LRRC28: variants seen among roughly 807,000 people sequenced by gnomAD.
LRRC28 encodes the protein leucine rich repeat containing 28.
A neutral mutation model predicts 45.7 loss-of-function variants in LRRC28; 39 were observed. The ratio of observed to expected loss-of-function variants is 0.85; its 90% CI spans 0.66 to 1.12. The LOEUF (loss-of-function observed/expected upper bound fraction) is 1.12. Ranked by LOEUF, LRRC28 falls within the 50% of genes most tolerant of loss-of-function variation. The pLI, the probability that LRRC28 is intolerant of heterozygous loss-of-function variation, is 0.00. For missense variants in LRRC28, 435 were observed against 438.5 expected (o/e 0.99, Z 0.07); for synonymous variants, 206 against 178.8 (o/e 1.15, Z -1.22).
chr15:99,283,646 G>C (rs2081876203), intron 3 of LRRC28, among the ~76,000 whole-genome samples: 1 of 146,768 alleles, frequency 6.8e-6, no homozygotes, highest in African/African-American at 2.5e-5. Flanking sequence ...GGAATTCCAT[G>C]GTACATTTGT....
intron 5 of LRRC28, among the ~76,000 whole-genome samples, chr15:99,289,313 A>G (rs549555030): frequency 2.1e-4 from 32 of 152,238 alleles, no homozygotes; most frequent in Non-Finnish European, 3.5e-4. Context: ...TGTGTATTCA[A>G]GAATGAGCAG....
In LRRC28 at chr15:99,388,097, A is replaced by G. The variant is rs995796309; in HGVS notation, c.*1995A>G. 6.6e-6 allele frequency: 1 copy of G among 152,228 alleles called. No individual in the cohort carries two copies. Among genetic ancestry groups the G allele is most frequent in the Admixed American group, 6.5e-5 (1 of 15,288 alleles). The allele number at this position is 152,228 out of a possible 1,614,324, so 9.4% of individuals were successfully genotyped here. A position where few individuals can be genotyped will look rare whatever the true frequency, so the allele number is the denominator to read the frequency against. ...CTGAAGATCTGTATCAAAATGTAAC[A>G]CTTTCATCCTTTGGAATAATTGAAG... On this transcript the variant is annotated 3_prime_UTR_variant, in exon 10 of 10. Transcript: ENST00000301981.
chr15:99,302,249 G>C (rs1048810739), intron 5 of LRRC28, among the ~76,000 whole-genome samples: 1 of 151,954 alleles, frequency 6.6e-6, no homozygotes, highest in Non-Finnish European at 1.5e-5. Flanking sequence ...GGATGGTCTC[G>C]ATCTCCTGAC....
intron 5 of LRRC28, among the ~76,000 whole-genome samples, chr15:99,315,529 G>T (rs1955562703): frequency 6.6e-6 from 1 of 152,078 alleles, no homozygotes; most frequent in Non-Finnish European, 1.5e-5. Flanking sequence ...CTTGTTTGTT[G>T]ATTAAACTCA....
chr15:99,325,892 G>A (rs928137188), intron 5 of LRRC28, among the ~76,000 whole-genome samples: 3 of 152,148 alleles, frequency 2.0e-5, no homozygotes, highest in African/African-American at 7.2e-5. Context: ...GCCATCTGAC[G>A]TATATTTTAA....
chr15:99,312,733 C>A (rs1955457505), intron 5 of LRRC28, among the ~76,000 whole-genome samples: 1 of 152,120 alleles, frequency 6.6e-6, no homozygotes, highest in Non-Finnish European at 1.5e-5. Flanking sequence ...ACAATGGCTA[C>A]AACTCTCAGT....
At chr15:99,273,302 T>C (rs1262443286) in intron 2 of LRRC28, among the ~76,000 whole-genome samples, 3 of 151,764 alleles carry the variant, frequency 2.0e-5, no homozygotes, top group African/African-American at 7.3e-5. Context: ...AGTGGCGCGA[T>C]CTTGGCTCAC....
At chr15:99,366,573 T>G (rs1957345991) in intron 9 of LRRC28, among the ~76,000 whole-genome samples, 1 of 152,198 alleles carries the variant, frequency 6.6e-6, no homozygotes, top group African/African-American at 2.4e-5. Context: ...GAGGGCTCTC[T>G]TCCTAGCTTG....
chr15:99,264,833 G>A (rs2152136593), intron 2 of LRRC28, among the ~76,000 whole-genome samples: 1 of 152,208 alleles, frequency 6.6e-6, no homozygotes, highest in Non-Finnish European at 1.5e-5. Flanking sequence ...TTGAACCTCT[G>A]GAAAAAGGGA....
intron 2 of LRRC28, among the ~76,000 whole-genome samples, chr15:99,270,158 T>C (rs1412092117): frequency 2.0e-5 from 3 of 152,226 alleles, no homozygotes; most frequent in East Asian, 1.9e-4. Context: ...CATCAACTTA[T>C]TGATTCAACT....
intron 9 of LRRC28, 29 bp from the exon 10 acceptor site, chr15:99,386,001 C>G (rs377741228): frequency 6.3e-7 from 1 of 1,596,422 alleles, no homozygotes; most frequent in African/African-American, 1.3e-5. Flanking sequence ...GAACTCACAG[C>G]GTTCTTCTCT....
intron 6 of LRRC28, among the ~76,000 whole-genome samples, chr15:99,335,652 A>G (rs1956297430): frequency 6.6e-6 from 1 of 151,996 alleles, no homozygotes; most frequent in Non-Finnish European, 1.5e-5. Context: ...TGGGCAACAT[A>G]CCAATACCCT....
At chr15:99,326,149 G>A (rs1955968546) in intron 5 of LRRC28, among the ~76,000 whole-genome samples, 2 of 151,956 alleles carry the variant, frequency 1.3e-5, no homozygotes, top group African/African-American at 4.8e-5. Flanking sequence ...AGTTACAGTG[G>A]TGTTCCCAGA....
In LRRC28 at chr15:99,361,360, C is replaced by T. The variant is rs780281258; in HGVS notation, c.720C>T (p.Ser240=). The T allele has an allele frequency of 2.9e-5, 47 of 1,612,998 alleles. No individual in the cohort carries two copies. The highest frequency in any genetic ancestry group is 1.0e-4 in the Admixed American group (6 of 59,836). Residue 240 remains serine (S), a synonymous_variant, in exon 8 of 10, where the codon TCC becomes TCT. Coordinates refer to ENST00000301981, the MANE Select transcript of LRRC28 (RefSeq NM_144598.5). ...CSGCGAPIQV[S]EVKLLSFSSG... ...GCTGTGGTGCTCCCATTCAAGTTTC[C>T]GAGGTGAAGCTGCTTTCCTTTTCAT...
intron 1 of LRRC28, among the ~76,000 whole-genome samples, chr15:99,252,926 A>T (rs1440598467): frequency 6.6e-6 from 1 of 152,204 alleles, no homozygotes; most frequent in East Asian, 1.9e-4. Flanking sequence ...GCGTGAAGAA[A>T]ACAACGCAGT....
intron 6 of LRRC28, among the ~76,000 whole-genome samples, chr15:99,335,011 A>C (rs1555569818): frequency 1.3e-5 from 2 of 151,984 alleles, no homozygotes. Flanking sequence ...CAATGGAAGT[A>C]ATAATCAAAT....
intron 3 of LRRC28, among the ~76,000 whole-genome samples, chr15:99,279,105 A>G (rs1196357770): frequency 1.3e-5 from 2 of 152,220 alleles, no homozygotes; most frequent in East Asian, 3.8e-4. Flanking sequence ...TTCCGTCTCT[A>G]TGGATACACG....
At chr15:99,254,495 C>G (rs2080959133) in intron 1 of LRRC28, among the ~76,000 whole-genome samples, 1 of 151,856 alleles carries the variant, frequency 6.6e-6, no homozygotes. Context: ...TTGAAAGGTA[C>G]TTTCCAATAG....
intron 7 of LRRC28, among the ~76,000 whole-genome samples, chr15:99,354,445 A>G (rs1956986305): frequency 6.6e-6 from 1 of 152,200 alleles, no homozygotes. Flanking sequence ...TTAGTGCCTC[A>G]GCCTAAAGGA....
Sources: gnomAD v4.1 joint callset for allele counts (sites outside exome capture counted in the v4.1 genomes callset) on GRCh38, gnomAD v4.1.1 for gene constraint, MANE v1.5 for transcripts, NCBI Gene and HGNC (gene_info 2026-07-23, HGNC 2026-07-21) for gene names.